The following PRLR variants were observed in gnomAD, a reference collection of about 807,000 sequenced individuals.
PRLR encodes prolactin receptor.
Under a neutral mutation model 40.2 loss-of-function variants are expected in PRLR, and 13 were observed. The observed-to-expected ratio is 0.32, with a 90% CI of 0.21 to 0.51. PRLR has a LOEUF of 0.51. Ranked by LOEUF, PRLR falls within the 20% of genes least tolerant of loss-of-function variation. PRLR has a pLI of 0.97. For missense variants in PRLR, 656 were observed against 747.3 expected, an observed-to-expected ratio of 0.88 and a Z score of 1.42; for synonymous variants, 269 against 278.7, an observed-to-expected ratio of 0.97 and a Z score of 0.35.
intron 1 of PRLR, among the ~76,000 whole-genome samples, chr5:35,132,158 A>G (rs1773707432): frequency 1.3e-5 from 2 of 152,168 alleles, no homozygotes; most frequent in East Asian, 1.9e-4. Context: ...ATTGATTTCC[A>G]CTTACCAACC....
chr5:35,153,004 G>A (rs1774382793), intron 1 of PRLR: 1 of 152,156 alleles, frequency 6.6e-6, no homozygotes, highest in Non-Finnish European at 1.5e-5. Context: ...CTCTTACCAT[G>A]CTGTTTGACC....
chr5:35,088,270 T>C (rs1419661293), intron 3 of PRLR, among the ~76,000 whole-genome samples: 1 of 152,230 alleles, frequency 6.6e-6, no homozygotes, highest in Non-Finnish European at 1.5e-5. Flanking sequence ...TTTGTAACAT[T>C]GCTCATCCTC....
rs1213748183 is a variant in PRLR, at chr5:35,061,414, G to A, written c.*3675C>T. On this transcript the variant is annotated 3_prime_UTR_variant, in exon 10 of 10. Transcript: ENST00000618457. ...CCTCTGGTTGCTCAATAACTCATAGGCTTTTCACATTCAGCTGGGTCATCA... is the reference window on the plus strand; with the variant it reads ...CCTCTGGTTGCTCAATAACTCATAGACTTTTCACATTCAGCTGGGTCATCA... 1 of 152,106 alleles carries A rather than the reference G, an allele frequency of 6.6e-6. No individual in the cohort carries two copies. The highest frequency in any genetic ancestry group is 1.5e-5 in the Non-Finnish European group (1 of 68,032). The allele number at this position is 152,106 out of a possible 1,614,324, so 9.4% of individuals were successfully genotyped here. A position where few individuals can be genotyped will look rare whatever the true frequency, so the allele number is the denominator to read the frequency against.
At chr5:35,168,278 C>T (rs905233959) in intron 1 of PRLR, among the ~76,000 whole-genome samples, 3 of 151,928 alleles carry the variant, frequency 2.0e-5, no homozygotes, top group African/African-American at 7.2e-5. Context: ...GCGCACCATT[C>T]TCATATCTGA....
intron 1 of PRLR, among the ~76,000 whole-genome samples, chr5:35,174,887 G>T (rs997511769): frequency 3.9e-5 from 6 of 152,130 alleles, no homozygotes; most frequent in Non-Finnish European, 8.8e-5. Context: ...ACTCCTTCTG[G>T]CTCACACTTG....
rs866728757 is a variant in PRLR at position 35,084,760 on chromosome 5, C to G, written c.204-121G>C. ...GAAATTCCAAGCGCAAAACCCAGAG[C>G]TGACAAATGGTTCCTTAGGCTTCCA... is the stretch of plus-strand genomic sequence containing the variant. On this transcript the variant is annotated intron_variant, in intron 4 of 9. Transcript: ENST00000618457. 53 of 888,838 alleles carry G rather than the reference C, an allele frequency of 6.0e-5. 1 individual carries two copies. The South Asian group carries it at 7.8e-4, about 13-fold the overall frequency. The allele number at this position is 888,838 out of a possible 1,614,324, so 55.1% of individuals were successfully genotyped here.
chr5:35,171,778 A>G (rs1775004014), intron 1 of PRLR, among the ~76,000 whole-genome samples: 1 of 152,120 alleles, frequency 6.6e-6, no homozygotes. Flanking sequence ...GGGCCTGCTT[A>G]AGTTCATCCC....
intron 1 of PRLR, among the ~76,000 whole-genome samples, chr5:35,143,017 T>C (rs1774066845): frequency 6.6e-6 from 1 of 152,254 alleles, no homozygotes; most frequent in African/African-American, 2.4e-5. Context: ...GTCAGCTGTC[T>C]TCACTAGGTA....
intron 1 of PRLR, among the ~76,000 whole-genome samples, chr5:35,171,183 C>A (rs1302090435): frequency 6.6e-6 from 1 of 151,994 alleles, no homozygotes; most frequent in East Asian, 1.9e-4. Context: ...ATTACTGCAG[C>A]AAACACTCCA....
chr5:35,155,859 TCA>T (rs1426293834), intron 1 of PRLR, among the ~76,000 whole-genome samples: 4 of 152,160 alleles, frequency 2.6e-5, no homozygotes, highest in Non-Finnish European at 4.4e-5. Flanking sequence ...AAAAGATAAT[TCA>T]TGATTTCACA....
chr5:35,200,483 T>C (rs971767203), intron 1 of PRLR, among the ~76,000 whole-genome samples: 12 of 152,216 alleles, frequency 7.9e-5, no homozygotes, highest in Admixed American at 5.2e-4. Flanking sequence ...CAATTATATA[T>C]TCTTCGTGAA....
chr5:35,186,853 C>T (rs1160791517), intron 1 of PRLR, among the ~76,000 whole-genome samples: 2 of 152,202 alleles, frequency 1.3e-5, no homozygotes, highest in Non-Finnish European at 2.9e-5. Context: ...TACTCTTCTG[C>T]ACCCCGCTGT....
In PRLR at chr5:35,210,641, A is replaced by G. The variant is rs1776146591; in HGVS notation, c.-106+19627T>C. Among the ~76,000 whole-genome samples, 3 of 152,206 alleles carry G rather than the reference A, an allele frequency of 2.0e-5. 1 individual carries two copies. The South Asian group carries it at 6.2e-4, about 32-fold the overall frequency. Reference sequence around the variant, plus strand: ...TATATCCAAGATTTTCTCATTCTACAGAAAGAATGTGGTTTGTGTAAACTA... The same window carrying G: ...TATATCCAAGATTTTCTCATTCTACGGAAAGAATGTGGTTTGTGTAAACTA... On this transcript the variant is annotated intron_variant, in intron 1 of 9. Coordinates refer to ENST00000618457, the MANE Select transcript of PRLR (RefSeq NM_000949.7).
chr5:35,120,446 G>A (rs1773250067), intron 1 of PRLR, among the ~76,000 whole-genome samples: 1 of 152,080 alleles, frequency 6.6e-6, no homozygotes, highest in African/African-American at 2.4e-5. Flanking sequence ...GCTAAATTGT[G>A]CCTGATTGCT....
chr5:35,159,911 T>C (rs1774626626), intron 1 of PRLR, among the ~76,000 whole-genome samples: 1 of 152,220 alleles, frequency 6.6e-6, no homozygotes, highest in South Asian at 2.1e-4. Context: ...ACTTTAGTCA[T>C]ACCTAGAATG....
chr5:35,229,865 C>G (rs1029542611), intron 1 of PRLR, among the ~76,000 whole-genome samples: 2 of 151,652 alleles, frequency 1.3e-5, no homozygotes, highest in African/African-American at 2.4e-5. Flanking sequence ...TTTTTCTTTT[C>G]TTTTTATTTT....
rs944600682 is a variant in PRLR, at chr5:35,065,716, T to C, written c.1242A>G (p.Ser414=). Residue 414 remains serine, a synonymous_variant, in exon 10 of 10, where the codon TCA becomes TCG. Transcript: ENST00000618457. ...PYFHAGGSKC[S]TWPLPQPSQH... ...GGCTGGGCTGTGGTAAGGGCCATGT[T>C]GAACATTTGGATCCACCAGCATGAA... 3 of 1,614,068 alleles carry C rather than the reference T, an allele frequency of 1.9e-6. No individual in the cohort carries two copies. In the African/African-American group the frequency reaches 4.0e-5, roughly 22 times the overall value.
At chr5:35,095,651 T>A (rs1373689291) in intron 2 of PRLR, among the ~76,000 whole-genome samples, 1 of 152,232 alleles carries the variant, frequency 6.6e-6, no homozygotes, top group African/African-American at 2.4e-5. Flanking sequence ...TCTATGCATT[T>A]GTCTGTGAAA....
intron 1 of PRLR, among the ~76,000 whole-genome samples, chr5:35,165,451 T>C (rs529214531): frequency 1.3e-5 from 2 of 152,342 alleles, no homozygotes; most frequent in South Asian, 4.1e-4. Context: ...ATGGAAATAA[T>C]GATTTCTTCT....
Sources: allele counts gnomAD v4.1 joint callset (sites outside exome capture counted in the v4.1 genomes callset), GRCh38; gene constraint gnomAD v4.1.1; transcripts MANE v1.5; gene names NCBI Gene and HGNC (gene_info 2026-07-23, HGNC 2026-07-21).